Variants in IL1RAP observed in about 807,000 individuals in gnomAD.
IL1RAP encodes the protein interleukin 1 receptor accessory protein, also known as interleukin-1 receptor accessory protein.
IL1RAP carries 35 observed loss-of-function variants against 60.7 expected under a neutral mutation model. The observed-to-expected ratio is 0.58, with a 90% CI of 0.44 to 0.76. IL1RAP has a LOEUF of 0.76. Among genes scored for constraint, IL1RAP ranks in the 30% least tolerant of loss-of-function variants. IL1RAP has a pLI of 0.00. For missense variants in IL1RAP, 572 were observed against 693.9 expected (o/e 0.82, Z 1.97); for synonymous variants, 268 against 250.9 (o/e 1.07, Z -0.64).
rs1489409387 is a variant in IL1RAP at position 190,648,903 on chromosome 3, G to C, written c.*198G>C. On this transcript the variant is annotated 3_prime_UTR_variant, in exon 12 of 12. Coordinates refer to ENST00000447382, the MANE Select transcript of IL1RAP (RefSeq NM_002182.4). ...TAAAGTTTAGAAAGATATCATCAACGTTCTGTCACCAGTCTCTGATGCCAC... is the reference window on the plus strand; with the variant it reads ...TAAAGTTTAGAAAGATATCATCAACCTTCTGTCACCAGTCTCTGATGCCAC... 1 of 1,365,460 alleles carries C rather than the reference G, an allele frequency of 7.3e-7. No individual in the cohort carries two copies. Among genetic ancestry groups the C allele is most frequent in the Non-Finnish European group, 9.4e-7 (1 of 1,061,870 alleles). 84.6% of individuals were successfully genotyped at this position (1,365,460 alleles called of 1,614,324 possible). A position where few individuals can be genotyped will look rare whatever the true frequency, so the allele number is the denominator to read the frequency against.
intron 2 of IL1RAP, among the ~76,000 whole-genome samples, chr3:190,562,460 T>C (rs1725974354): frequency 6.6e-6 from 1 of 152,062 alleles, no homozygotes. Context: ...CTCTTAAGTG[T>C]CTCTAGATGT....
intron 3 of IL1RAP, among the ~76,000 whole-genome samples, chr3:190,583,468 A>C (rs1728179948): frequency 6.6e-6 from 1 of 152,246 alleles, no homozygotes; most frequent in Non-Finnish European, 1.5e-5. Flanking sequence ...GAGTGCAAAC[A>C]ATACTCATGC....
In IL1RAP at chr3:190,620,993, G is replaced by T. The variant is rs1731729390; in HGVS notation, c.703+553G>T. Among the ~76,000 whole-genome samples the T allele has an allele frequency of 2.0e-5, 3 of 152,298 alleles. No individual in the cohort carries two copies. The South Asian group carries it at 6.2e-4, about 32-fold the overall frequency. On this transcript the variant is annotated intron_variant, in intron 6 of 11. Coordinates refer to ENST00000447382, the MANE Select transcript of IL1RAP (RefSeq NM_002182.4). ...TTATTTTGCACTAAGAGAATAGGGG[G>T]TGAGAAACTAGGAAAGTGGGAAAGG...
rs1478516899 is a variant in IL1RAP, at chr3:190,648,613, C to A, written c.1621C>A (p.Gln541Lys). ...GTATCCACAGGGCAGGTTCTGGAAGCAGCTGCAGGTGGCCATGCCAGTGAA... is the reference window on the plus strand; with the variant it reads ...GTATCCACAGGGCAGGTTCTGGAAGAAGCTGCAGGTGGCCATGCCAGTGAA... Reference protein sequence around the residue: ...SKYPQGRFWKQLQVAMPVKKS... With the variant: ...SKYPQGRFWKKLQVAMPVKKS... Residue 541 changes from glutamine to lysine, a missense_variant, in exon 12 of 12, where the codon CAG becomes AAG. Coordinates refer to ENST00000447382, the MANE Select transcript of IL1RAP (RefSeq NM_002182.4). 2.2e-5 allele frequency: 35 copies of A among 1,614,142 alleles called. No individual in the cohort carries two copies. Among genetic ancestry groups the A allele is most frequent in the Non-Finnish European group, 3.0e-5 (35 of 1,180,004 alleles).
intron 9 of IL1RAP, among the ~76,000 whole-genome samples, chr3:190,640,645 G>GGCTCCAAC (rs1733589629): frequency 6.6e-6 from 1 of 152,146 alleles, no homozygotes; most frequent in African/African-American, 2.4e-5. Context: ...TGGATGGCAA[G>GGCTCCAAC]GCTCCAACTG....
At position 190,644,250 on chromosome 3, in the gene IL1RAP, C is replaced by T; in HGVS notation, c.1054C>T (p.Pro352Ser). ...TGTTTCTTTGTTGTTCATTCCAGTG[C>T]CAGCTCCAAGATACACAGTGGAACT... ...AKAAKVKQKV[P>S]APRYTVELAC... The change falls in exon 10 of 12, where the codon CCA becomes TCA. Residue 352 changes from proline to serine, a missense_variant and splice_region_variant. Transcript: ENST00000447382. 1.2e-6 allele frequency: 2 copies of T among 1,611,972 alleles called. No individual in the cohort carries two copies. The highest frequency in any genetic ancestry group is 1.7e-6 in the Non-Finnish European group (2 of 1,179,134).
intron 4 of IL1RAP, among the ~76,000 whole-genome samples, chr3:190,606,937 T>C (rs1274656776): frequency 6.6e-6 from 1 of 152,192 alleles, no homozygotes; most frequent in Non-Finnish European, 1.5e-5. Flanking sequence ...GAACCACTGT[T>C]CTTCATATTT....
In IL1RAP at chr3:190,648,776, G is replaced by A. The variant is rs886516869; in HGVS notation, c.*71G>A. 9.7e-5 allele frequency: 147 copies of A among 1,515,414 alleles called. No homozygotes were observed. In the Admixed American group the frequency reaches 2.8e-3, roughly 29 times the overall value. The allele number at this position is 1,515,414 out of a possible 1,614,324, so 93.9% of individuals were successfully genotyped here. A position where few individuals can be genotyped will look rare whatever the true frequency, so the allele number is the denominator to read the frequency against. On this transcript the variant is annotated 3_prime_UTR_variant, in exon 12 of 12. Transcript: ENST00000447382. ...GAAAGAGTCCCCCCAGTCTTCATTC[G>A]CAGTTTATGGTTTCATAGGCAAAAA...
intron 9 of IL1RAP, among the ~76,000 whole-genome samples, chr3:190,633,251 A>G (rs1043397340): frequency 6.6e-6 from 1 of 152,164 alleles, no homozygotes; most frequent in Non-Finnish European, 1.5e-5. Flanking sequence ...TTTAGATCTT[A>G]ACTTTTTTCA....
At chr3:190,626,356 T>C (rs1577766484) in intron 7 of IL1RAP, among the ~76,000 whole-genome samples, 1 of 152,346 alleles carries the variant, frequency 6.6e-6, no homozygotes, top group East Asian at 1.9e-4. Flanking sequence ...GTAAGTATGT[T>C]GCTACTGCTG....
intron 9 of IL1RAP, among the ~76,000 whole-genome samples, chr3:190,634,752 T>G (rs368999408): frequency 1.7e-4 from 25 of 143,582 alleles, no homozygotes; most frequent in African/African-American, 5.1e-4. Context: ...GTCTCGCTCT[T>G]TCGCCCAGGC....
intron 3 of IL1RAP, among the ~76,000 whole-genome samples, chr3:190,602,082 G>A (rs1402094545): frequency 6.6e-6 from 1 of 152,122 alleles, no homozygotes; most frequent in African/African-American, 2.4e-5. Flanking sequence ...CAGAGGATGT[G>A]GAGATAGGGG....
At chr3:190,524,302 G>GT (rs1560137592) in intron 1 of IL1RAP, among the ~76,000 whole-genome samples, 2 of 152,004 alleles carry the variant, frequency 1.3e-5, no homozygotes, top group Admixed American at 6.6e-5. Context: ...CATTCTGTAG[G>GT]TTTTCTCTTT....
intron 3 of IL1RAP, among the ~76,000 whole-genome samples, chr3:190,575,795 A>G (rs1727390195): frequency 6.6e-6 from 1 of 152,270 alleles, no homozygotes; most frequent in South Asian, 2.1e-4. Flanking sequence ...AGATTGGAAA[A>G]GATTTCTGTT....
Position 190,649,185 on chromosome 3 carries a change from T to A in IL1RAP, c.*480T>A. On this transcript the variant is annotated 3_prime_UTR_variant, in exon 12 of 12. Coordinates refer to ENST00000447382, the MANE Select transcript of IL1RAP (RefSeq NM_002182.4). ...ACATTTTAGCTGAGGATAATGAACT[T>A]TTTTCCTCATTCGGCTGTATAATAC... The A allele has an allele frequency of 2.0e-6, 2 of 987,100 alleles. No individual in the cohort carries two copies. Among genetic ancestry groups the A allele is most frequent in the Non-Finnish European group, 2.4e-6 (2 of 831,118 alleles). 61.1% of individuals were successfully genotyped at this position (987,100 alleles called of 1,614,324 possible). A position where few individuals can be genotyped will look rare whatever the true frequency, so the allele number is the denominator to read the frequency against.
chr3:190,634,490 C>A (rs1733038810), intron 9 of IL1RAP, among the ~76,000 whole-genome samples: 1 of 151,438 alleles, frequency 6.6e-6, no homozygotes, highest in Non-Finnish European at 1.5e-5. Context: ...TGGGTTTCAC[C>A]AAATTTTGTT....
At chr3:190,605,444 T>G (rs1326406260) in intron 4 of IL1RAP, among the ~76,000 whole-genome samples, 2 of 152,198 alleles carry the variant, frequency 1.3e-5, no homozygotes, top group African/African-American at 4.8e-5. Context: ...TTACTCACAG[T>G]CACTTTTTAG....
chr3:190,632,378 T>A (rs1732859918), intron 9 of IL1RAP, among the ~76,000 whole-genome samples: 1 of 152,250 alleles, frequency 6.6e-6, no homozygotes, highest in East Asian at 1.9e-4. Flanking sequence ...ATAGCCTTAT[T>A]TGTCATTAGC....
chr3:190,588,355 G>T (rs532036751), intron 3 of IL1RAP, among the ~76,000 whole-genome samples: 9 of 152,164 alleles, frequency 5.9e-5, no homozygotes, highest in African/African-American at 2.2e-4. Context: ...CTCGTGATCC[G>T]CCCGCCTGGG....
Sources: gnomAD v4.1 joint callset for allele counts (sites outside exome capture counted in the v4.1 genomes callset) on GRCh38, gnomAD v4.1.1 for gene constraint, MANE v1.5 for transcripts, NCBI Gene and HGNC (gene_info 2026-07-23, HGNC 2026-07-21) for gene names.